Variants in ITGB2 observed in about 807,000 individuals in gnomAD.
ITGB2 encodes integrin beta-2.
A neutral mutation model predicts 86.8 loss-of-function variants in ITGB2; 56 were observed. The observed-to-expected ratio is 0.65, with a 90% CI of 0.52 to 0.81. The LOEUF (loss-of-function observed/expected upper bound fraction) is 0.81. ITGB2 is among the 30% of genes least tolerant of loss of function. The pLI is 0.00. For missense variants in ITGB2, 948 were observed against 1,061.2 expected (o/e 0.89, Z 1.48); for synonymous variants, 457 against 450.4 (o/e 1.01, Z -0.19).
rs1202958843 is a variant in ITGB2 at position 44,903,479 on chromosome 21, G to T, written c.385C>A (p.Leu129Met). 6.2e-7 allele frequency: 1 copy of T among 1,614,128 alleles called. No homozygotes were observed. The highest frequency in any genetic ancestry group is 1.1e-5 in the South Asian group (1 of 91,084). The change falls in exon 5 of 16, where the codon CTG (leucine) becomes ATG (methionine). Residue 129 changes from leucine to methionine, a missense_variant. By Grantham distance (15) the Leu-to-Met change is conservative. Coordinates refer to ENST00000652462, the MANE Select transcript of ITGB2 (RefSeq NM_000211.5). ...FRRAKGYPIDLYYLMDLSYSM... is the reference protein window; with the variant it reads ...FRRAKGYPIDMYYLMDLSYSM... ...TAGGAGAGGTCCATCAGATAGTACA[G>T]GTCGATGGGGTAGCCCTTGGCCCGC...
rs200448015 is a variant in ITGB2, at chr21:44,886,401, C to T, written c.2277G>A (p.Thr759=). The T allele has an allele frequency of 1.2e-5, 19 of 1,614,000 alleles. No individual in the cohort carries two copies. Among genetic ancestry groups the T allele is most frequent in the African/African-American group, 8.0e-5 (6 of 74,912 alleles). ...NDNPLFKSAT[T]TVMNPKFAES is the part of the protein sequence containing the mutation. ...CAGCAAACTTGGGGTTCATGACCGT[C>T]GTGGTGGCGCTCTTGAAAAGGGGAT... is the stretch of plus-strand genomic sequence containing the variant. The change falls in exon 16 of 16, where the codon ACG becomes ACA. Residue 759 remains threonine (T), a synonymous_variant. Coordinates refer to ENST00000652462, the MANE Select transcript of ITGB2 (RefSeq NM_000211.5).
At chr21:44,889,002 G>T (rs963930921) in intron 13 of ITGB2, 107 bp from the exon 14 acceptor site, 3 of 956,954 alleles carry the variant, frequency 3.1e-6, no homozygotes, top group Non-Finnish European at 4.8e-6. Context: ...TGGGGTTGGG[G>T]CGCCCTCAGG....
chr21:44,886,916 A>G lies in ITGB2; in HGVS notation c.2081-14T>C. On this transcript the variant is annotated splice_polypyrimidine_tract_variant and intron_variant, in intron 14 of 15. Transcript: ENST00000652462. ...CTGCCACACACTCTAGGGAAGAAGC[A>G]GCACACCTGAGCGTCAGTCCAGCCC... is the stretch of plus-strand genomic sequence containing the variant. The G allele has an allele frequency of 6.2e-7, 1 of 1,611,318 alleles. No individual in the cohort carries two copies.
At chr21:44,887,839 C>T (rs1003390172) in intron 14 of ITGB2, among the ~76,000 whole-genome samples, 9 of 152,194 alleles carry the variant, frequency 5.9e-5, no homozygotes, top group African/African-American at 2.2e-4. Context: ...AGGCATGTCA[C>T]CTACAGGCTC....
intron 4 of ITGB2, among the ~76,000 whole-genome samples, chr21:44,904,266 C>G (rs543083574): frequency 1.2e-4 from 18 of 152,232 alleles, no homozygotes; most frequent in African/African-American, 1.4e-4. Context: ...TGCTGCCACA[C>G]CCTGGGAGAA....
chr21:44,891,473 C>T (rs943200495), intron 11 of ITGB2, among the ~76,000 whole-genome samples: 3 of 152,222 alleles, frequency 2.0e-5, no homozygotes, highest in Non-Finnish European at 2.9e-5. Flanking sequence ...GCACGCCCAG[C>T]GGGGACTCCT....
At chr21:44,901,822 T>C (rs992278272) in intron 5 of ITGB2, 89 bp from the exon 6 acceptor site, 3 of 1,423,104 alleles carry the variant, frequency 2.1e-6, no homozygotes, top group African/African-American at 2.8e-5. Flanking sequence ...CAAGCCTGTT[T>C]CCTCTCTCCT....
At chr21:44,925,566 C>G (rs1007326684), upstream of ITGB2, among the ~76,000 whole-genome samples, 2 of 152,194 alleles carry the variant, frequency 1.3e-5, no homozygotes, top group African/African-American at 4.8e-5. Context: ...CTAACCCTAA[C>G]CAGACTGACT....
Position 44,900,317 on chromosome 21 carries a change from T to C in ITGB2, c.897+3A>G. The C allele has an allele frequency of 6.2e-7, 1 of 1,614,162 alleles. No individual in the cohort carries two copies. Among genetic ancestry groups the C allele is most frequent in the Middle Eastern group, 1.6e-4 (1 of 6,062 alleles). On this transcript the variant is annotated splice_donor_region_variant and intron_variant, in intron 7 of 15. Transcript: ENST00000652462. ...TGCCTGGGTGCCTGGGGTGGGGACTTACGAATTCGTTGCTCCTCTTGTACA... is the reference window on the plus strand; with the variant it reads ...TGCCTGGGTGCCTGGGGTGGGGACTCACGAATTCGTTGCTCCTCTTGTACA...
At chr21:44,889,164 G>A (rs1338644226) in intron 13 of ITGB2, 112 bp downstream of exon 13, 4 of 1,065,138 alleles carry the variant, frequency 3.8e-6, no homozygotes, top group Non-Finnish European at 5.6e-6. Context: ...CACCCGCAGA[G>A]AACCCCGCGG....
In ITGB2 at chr21:44,901,486, C is replaced by T; in HGVS notation, c.741+6G>A. ...GTGGGGACCCAAGCAGGGGCAGCGG[C>T]CTCACCGGGCAGGCGGCGACCTGCA... On this transcript the variant is annotated splice_donor_region_variant and intron_variant, in intron 6 of 15. Coordinates refer to ENST00000652462, the MANE Select transcript of ITGB2 (RefSeq NM_000211.5). 2 of 1,613,808 alleles carry T rather than the reference C, an allele frequency of 1.2e-6. No individual in the cohort carries two copies. Among genetic ancestry groups the T allele is most frequent in the Non-Finnish European group, 1.7e-6 (2 of 1,179,900 alleles).
intron 5 of ITGB2, among the ~76,000 whole-genome samples, chr21:44,902,407 G>A (rs1448127066): frequency 6.6e-6 from 1 of 152,078 alleles, no homozygotes; most frequent in Admixed American, 6.5e-5. Context: ...ATTTGTGCAT[G>A]TGAGCATACA....
chr21:44,894,532 C>T (rs527652406), intron 9 of ITGB2: 2 of 273,290 alleles, frequency 7.3e-6, no homozygotes, highest in South Asian at 3.8e-5. Context: ...GGGTTAAGGG[C>T]TTCTCTGGAG....
Position 44,903,414 on chromosome 21 carries a change from A to G in ITGB2, c.450T>C (p.Gly150=). ...CGTTGAGGGCCCGGAGCAGGTCGCC[A>G]CCTAGCTTCTTGACATTCCTGAGGT... ...LDDLRNVKKL[G]GDLLRALNEI... The change falls in exon 5 of 16, where the codon GGT becomes GGC. Residue 150 remains glycine (G), a synonymous_variant. Coordinates refer to ENST00000652462, the MANE Select transcript of ITGB2 (RefSeq NM_000211.5). 1 of 1,614,094 alleles carries G rather than the reference A, an allele frequency of 6.2e-7. No homozygotes were observed. Among genetic ancestry groups the G allele is most frequent in the Non-Finnish European group, 8.5e-7 (1 of 1,179,970 alleles).
At chr21:44,887,394 C>T (rs1208329499) in intron 14 of ITGB2, among the ~76,000 whole-genome samples, 2 of 152,174 alleles carry the variant, frequency 1.3e-5, no homozygotes, top group Admixed American at 6.5e-5. Context: ...CCCACGGCAG[C>T]TGTGCCCACC....
chr21:44,927,585 A>T (rs1291453512), intron 1 of ITGB2: 1 of 149,544 alleles, frequency 6.7e-6, no homozygotes, highest in Non-Finnish European at 1.5e-5. Flanking sequence ...CCCTGCCCCC[A>T]CGTAGGCCTT....
chr21:44,924,708 A>G (rs967309309), upstream of ITGB2, among the ~76,000 whole-genome samples: 1 of 152,194 alleles, frequency 6.6e-6, no homozygotes, highest in Non-Finnish European at 1.5e-5. Flanking sequence ...GCACTCCTGA[A>G]AAGTGGACCC....
intron 8 of ITGB2, among the ~76,000 whole-genome samples, chr21:44,895,301 G>C (rs927434550): frequency 6.6e-6 from 1 of 152,164 alleles, no homozygotes; most frequent in Admixed American, 6.5e-5. Context: ...AGGCCGATGT[G>C]GGAAGATTGC....
intron 8 of ITGB2, among the ~76,000 whole-genome samples, chr21:44,897,305 C>A (rs530730159): frequency 9.8e-5 from 15 of 152,348 alleles, no homozygotes; most frequent in Non-Finnish European, 1.3e-4. Flanking sequence ...CTCCCGGGCA[C>A]TTTCCTTCCC....
Sources: gnomAD v4.1 joint callset for allele counts (sites outside exome capture counted in the v4.1 genomes callset) on GRCh38, gnomAD v4.1.1 for gene constraint, MANE v1.5 for transcripts, NCBI Gene and HGNC (gene_info 2026-07-23, HGNC 2026-07-21) for gene names.